MEGF9: variants seen among roughly 807,000 people sequenced by gnomAD.
MEGF9 encodes the protein multiple EGF like domains 9.
A neutral mutation model predicts 46.8 loss-of-function variants in MEGF9; 6 were observed. That is an observed-to-expected ratio of 0.13 (90% confidence interval 0.07 to 0.25). The LOEUF (loss-of-function observed/expected upper bound fraction) is 0.25, where lower values mean the gene tolerates loss of function less well. MEGF9 is among the 10% of genes least tolerant of loss of function. The probability of loss-of-function intolerance (pLI) is 1.00; values close to 1 mark genes in which losing one functional copy is unlikely to be tolerated. For synonymous variants in MEGF9, 302 were observed against 330.7 expected, an observed-to-expected ratio of 0.91 and a Z score of 0.94; for missense variants, 683 against 792.4, an observed-to-expected ratio of 0.86 and a Z score of 1.66.
At chr9:120,614,180 C>T (rs570677706) in intron 3 of MEGF9, among the ~76,000 whole-genome samples, 12 of 152,212 alleles carry the variant, frequency 7.9e-5, no homozygotes, top group South Asian at 4.1e-4. Flanking sequence ...CATGTCACCA[C>T]GCCTGGCTAA....
rs1377496024 is a variant in MEGF9, at chr9:120,714,216, G to A, written c.143C>T (p.Ala48Val). ...AGNVTGGGGA[A>V]GQVDASPGPG... ...GCCCGGCGACGCGTCCACCTGCCCC[G>A]CGGCCCCGCCGCCACCGGTGACATT... The change falls in exon 1 of 6, where the codon GCG becomes GTG. Residue 48 changes from alanine to valine, a missense_variant. Physicochemically the swap from Ala to Val is moderately conservative, Grantham distance 64. This residue lies in a region of MEGF9 where 370 missense variants were observed against 371.3 expected (regional missense o/e 1.00). Transcript: ENST00000373930. The A allele has an allele frequency of 4.9e-6, 6 of 1,236,802 alleles. No individual in the cohort carries two copies. The highest frequency in any genetic ancestry group is 5.0e-6 in the Non-Finnish European group (5 of 992,460). 76.6% of individuals were successfully genotyped at this position (1,236,802 alleles called of 1,614,324 possible).
chr9:120,605,356 G>T lies in MEGF9; in HGVS notation c.1643C>A (p.Ala548Asp), dbSNP rs753519832. 3.7e-6 allele frequency: 6 copies of T among 1,613,982 alleles called. No homozygotes were observed. The highest frequency in any genetic ancestry group is 5.1e-6 in the Non-Finnish European group (6 of 1,179,894). The change falls in exon 6 of 6, where the codon GCC (alanine) becomes GAC (aspartate). Residue 548 changes from alanine to aspartate, a missense_variant. Coordinates refer to ENST00000373930, the MANE Select transcript of MEGF9 (RefSeq NM_001080497.3). The surrounding 1 kb of genome is among the most constrained non-coding windows in gnomAD (Gnocchi z 4.0). ...TTTCAGCTCGATGGTCCAAAAGGGG[G>T]CATTGAGTTTCCGGTTTTGGTACTC... ...YREYQNRKLN[A>D]PFWTIELKED...
intron 1 of MEGF9, among the ~76,000 whole-genome samples, chr9:120,692,736 G>T (rs2043855063): frequency 6.6e-6 from 1 of 152,004 alleles, no homozygotes. Flanking sequence ...CCATGTATGT[G>T]CTCTCTTACT....
chr9:120,633,604 T>C (rs186913643), intron 2 of MEGF9, among the ~76,000 whole-genome samples: 1 of 152,250 alleles, frequency 6.6e-6, no homozygotes, highest in Non-Finnish European at 1.5e-5. Flanking sequence ...ATTTTTGCCC[T>C]AATCTTTATT....
At chr9:120,625,217 G>A (rs2043518887) in intron 2 of MEGF9, among the ~76,000 whole-genome samples, 1 of 152,228 alleles carries the variant, frequency 6.6e-6, no homozygotes, top group South Asian at 2.1e-4. Flanking sequence ...GGTTCACCTT[G>A]CCCACTGCCT....
intron 4 of MEGF9, among the ~76,000 whole-genome samples, chr9:120,611,865 AAG>A (rs3983894): frequency 0.016 from 2,236 of 137,124 alleles, 71 homozygotes; most frequent in African/African-American, 0.062. Context: ...GGAAGGAAGA[AAG>A]AGAGAGAGAG....
intron 1 of MEGF9, among the ~76,000 whole-genome samples, chr9:120,667,692 A>G (rs1312217024): frequency 6.6e-6 from 1 of 152,202 alleles, no homozygotes; most frequent in Non-Finnish European, 1.5e-5. Flanking sequence ...GGAATACACA[A>G]TTCAAACCTC....
At chr9:120,686,912 C>A (rs1459191845) in intron 1 of MEGF9, among the ~76,000 whole-genome samples, 1 of 151,804 alleles carries the variant, frequency 6.6e-6, no homozygotes, top group Non-Finnish European at 1.5e-5. Flanking sequence ...ACTATTTGAA[C>A]AAAAAGGAAA....
chr9:120,714,440 G>A lies in MEGF9; in HGVS notation c.-82C>T, dbSNP rs1292159464. ...AGCCTCCGCAACCGCCGCCGCCACC[G>A]CCACCGGGCGCACCATCGCCACCTC... On this transcript the variant is annotated 5_prime_UTR_variant, in exon 1 of 6. Transcript: ENST00000373930. 9 of 1,139,968 alleles carry A rather than the reference G, an allele frequency of 7.9e-6. No homozygotes were observed. Among genetic ancestry groups the A allele is most frequent in the South Asian group, 3.6e-5 (1 of 27,564 alleles). 70.6% of individuals were successfully genotyped at this position (1,139,968 alleles called of 1,614,324 possible). A position where few individuals can be genotyped will look rare whatever the true frequency, so the allele number is the denominator to read the frequency against.
intron 2 of MEGF9, among the ~76,000 whole-genome samples, chr9:120,629,803 C>T (rs1057177018): frequency 1.7e-4 from 26 of 152,018 alleles, no homozygotes; most frequent in Admixed American, 1.0e-3. Context: ...CGTGGTGGCA[C>T]GCACCTGTAG....
chr9:120,674,628 G>A (rs2132329722), intron 1 of MEGF9, among the ~76,000 whole-genome samples: 1 of 152,018 alleles, frequency 6.6e-6, no homozygotes, highest in East Asian at 1.9e-4. Context: ...GAGTGCAGTG[G>A]CATGACCATA....
In MEGF9 at chr9:120,713,966, T is replaced by C. The variant is rs2043965744; in HGVS notation, c.393A>G (p.Glu131=). ...GPSPTTPPAA[E]RTSTTSQAPT... ...GCGCCTGAGAGGTGGTCGAAGTGCG[T>C]TCCGCCGCCGGAGGGGTGGTCGGCG... Residue 131 remains glutamate (E), a synonymous_variant, in exon 1 of 6, where the codon GAA becomes GAG. Coordinates refer to ENST00000373930, the MANE Select transcript of MEGF9 (RefSeq NM_001080497.3). 2 of 1,381,096 alleles carry C rather than the reference T, an allele frequency of 1.4e-6. No homozygotes were observed. The highest frequency in any genetic ancestry group is 2.8e-5 in the East Asian group (1 of 36,228). The allele number at this position is 1,381,096 out of a possible 1,614,324, so 85.6% of individuals were successfully genotyped here.
rs1286173130 is a variant in MEGF9 at position 120,601,144 on chromosome 9, T to C, written c.*4046A>G. On this transcript the variant is annotated 3_prime_UTR_variant, in exon 6 of 6. Coordinates refer to ENST00000373930, the MANE Select transcript of MEGF9 (RefSeq NM_001080497.3). Reference sequence around the variant, plus strand: ...CCTAATTGCTCGGCCTATAATTTAATGTATTATAGAGTGCTTATGCCTAGC... The same window carrying C: ...CCTAATTGCTCGGCCTATAATTTAACGTATTATAGAGTGCTTATGCCTAGC... 2 of 152,670 alleles carry C rather than the reference T, an allele frequency of 1.3e-5. No homozygotes were observed. The highest frequency in any genetic ancestry group is 2.9e-5 in the Non-Finnish European group (2 of 68,046). The allele number at this position is 152,670 out of a possible 1,614,324, so 9.5% of individuals were successfully genotyped here.
intron 2 of MEGF9, among the ~76,000 whole-genome samples, chr9:120,634,446 CT>C (rs1158273579): frequency 8.6e-3 from 405 of 46,886 alleles, no homozygotes; most frequent in African/African-American, 0.029. Context: ...TGTGGAATAT[CT>C]TTTTTTTTTT....
At chr9:120,680,060 T>A (rs969321091) in intron 1 of MEGF9, among the ~76,000 whole-genome samples, 1 of 152,254 alleles carries the variant, frequency 6.6e-6, no homozygotes, top group Admixed American at 6.5e-5. Flanking sequence ...CTAATAGAAT[T>A]CTGACTTCCT....
At chr9:120,678,951 C>T (rs1030770630) in intron 1 of MEGF9, among the ~76,000 whole-genome samples, 2 of 152,072 alleles carry the variant, frequency 1.3e-5, no homozygotes, top group Non-Finnish European at 2.9e-5. Context: ...GTTACAATGG[C>T]GATCATTAAA....
At chr9:120,619,248 G>A (rs2043487708) in intron 3 of MEGF9, among the ~76,000 whole-genome samples, 1 of 152,150 alleles carries the variant, frequency 6.6e-6, no homozygotes, top group Non-Finnish European at 1.5e-5. Flanking sequence ...TTGGGAGGCT[G>A]AGGCAGGAGA....
intron 2 of MEGF9, among the ~76,000 whole-genome samples, chr9:120,634,173 T>G (rs1400000001): frequency 6.6e-6 from 1 of 152,208 alleles, no homozygotes; most frequent in African/African-American, 2.4e-5. Context: ...TGTCCAATGT[T>G]GAGACGTTAG....
chr9:120,706,923 A>G (rs1318515881), intron 1 of MEGF9, among the ~76,000 whole-genome samples: 2 of 152,226 alleles, frequency 1.3e-5, no homozygotes, highest in East Asian at 3.8e-4. Flanking sequence ...GCCAAGGAAG[A>G]GTAGAAGTTT....
Sources: gnomAD v4.1 joint callset for allele counts (sites outside exome capture counted in the v4.1 genomes callset) on GRCh38, gnomAD v4.1.1 for gene constraint, gnomAD v4.1.1 regional missense constraint, Gnocchi (gnomAD v3.1) non-coding constraint, MANE v1.5 for transcripts, NCBI Gene and HGNC (gene_info 2026-07-23, HGNC 2026-07-21) for gene names.